The following CNBD1 variants were observed in gnomAD, a reference collection of about 807,000 sequenced individuals.
CNBD1 encodes cyclic nucleotide binding domain containing 1, also known as cyclic nucleotide-binding domain-containing protein 1.
In CNBD1, 71 loss-of-function variants were observed where a neutral mutation model predicts 54.4. The observed-to-expected ratio is 1.30, with a 90% CI of 1.08 to 1.59. CNBD1 has a LOEUF of 1.59. CNBD1 is among the 40% of genes most tolerant of loss of function. CNBD1 has a pLI of 0.00. For synonymous variants in CNBD1, 182 were observed against 170.7 expected (o/e 1.07, Z -0.51); for missense variants, 659 against 518.0 (o/e 1.27, Z -2.64).
intron 4 of CNBD1, among the ~76,000 whole-genome samples, chr8:86,988,143 G>GTTTTTTTTTTTTTTT (rs34699647): frequency 7.4e-6 from 1 of 134,354 alleles, no homozygotes. Context: ...TGGTTGATAG[G>GTTTTTTTTTTTTTTT]TTTTTTTTTT....
At chr8:87,007,263 T>C (rs1285661926) in intron 4 of CNBD1, among the ~76,000 whole-genome samples, 1 of 152,186 alleles carries the variant, frequency 6.6e-6, no homozygotes, top group African/African-American at 2.4e-5. Context: ...CCCATTTATT[T>C]TCACCTTTTC....
intron 9 of CNBD1, among the ~76,000 whole-genome samples, chr8:87,352,155 G>A (rs777861947): frequency 6.6e-6 from 1 of 152,102 alleles, no homozygotes; most frequent in African/African-American, 2.4e-5. Context: ...TTTCTCCAGA[G>A]AAGTGAAAAC....
intron 4 of CNBD1, among the ~76,000 whole-genome samples, chr8:87,006,657 G>A (rs1218128500): frequency 6.6e-6 from 1 of 152,056 alleles, no homozygotes; most frequent in Non-Finnish European, 1.5e-5. Flanking sequence ...GAACTCACCA[G>A]GTATCATGAA....
At chr8:87,101,049 A>G (rs745752509) in intron 4 of CNBD1, among the ~76,000 whole-genome samples, 10 of 152,212 alleles carry the variant, frequency 6.6e-5, no homozygotes, top group Non-Finnish European at 1.2e-4. Flanking sequence ...TTTGAATCTA[A>G]CTGCCTGCTA....
At chr8:87,069,955 C>T (rs1011935808) in intron 4 of CNBD1, among the ~76,000 whole-genome samples, 9 of 151,974 alleles carry the variant, frequency 5.9e-5, no homozygotes, top group African/African-American at 1.9e-4. Flanking sequence ...TAGGAGAATT[C>T]CCATGTGGTT....
intron 3 of CNBD1, among the ~76,000 whole-genome samples, chr8:86,924,315 T>C (rs545137661): frequency 6.6e-6 from 1 of 152,120 alleles, no homozygotes; most frequent in African/African-American, 2.4e-5. Context: ...TAATTGTAGG[T>C]AGAGAGCATT....
intron 8 of CNBD1, among the ~76,000 whole-genome samples, chr8:87,297,876 G>T (rs1195347280): frequency 2.6e-5 from 4 of 151,730 alleles, no homozygotes; most frequent in African/African-American, 4.8e-5. Flanking sequence ...GCCTCATGAA[G>T]TGATATTTAT....
At chr8:87,207,453 G>GACACAC (rs35603569) in intron 5 of CNBD1, among the ~76,000 whole-genome samples, 6 of 148,246 alleles carry the variant, frequency 4.0e-5, no homozygotes, top group African/African-American at 9.9e-5. Context: ...TATGCACATA[G>GACACAC]ACACACACAC....
intron 4 of CNBD1, among the ~76,000 whole-genome samples, chr8:87,184,150 T>G (rs1300537120): frequency 6.6e-6 from 1 of 152,152 alleles, no homozygotes; most frequent in Non-Finnish European, 1.5e-5. Flanking sequence ...AGTGGGAGAA[T>G]GCTGCAGGCA....
In CNBD1 at chr8:86,967,617, A is replaced by G. The variant is rs1030577061; in HGVS notation, c.431+27863A>G. Among the ~76,000 whole-genome samples the G allele has an allele frequency of 1.3e-3, 199 of 152,168 alleles. 4 individuals are homozygous for G. Among genetic ancestry groups the G allele is most frequent in the Admixed American group, 0.013 (196 of 15,278 alleles). On this transcript the variant is annotated intron_variant, in intron 4 of 10. Transcript: ENST00000518476. ...AAGCATTCTTTCTTTTACAGTGTTTATTTCTAACATTTTTTAAATTCTTTC... is the reference window on the plus strand; with the variant it reads ...AAGCATTCTTTCTTTTACAGTGTTTGTTTCTAACATTTTTTAAATTCTTTC...
At chr8:87,025,654 A>G (rs994827939) in intron 4 of CNBD1, among the ~76,000 whole-genome samples, 2 of 152,150 alleles carry the variant, frequency 1.3e-5, no homozygotes, top group Non-Finnish European at 2.9e-5. Context: ...TGAAGTCAGC[A>G]AGACAACGAA....
intron 5 of CNBD1, among the ~76,000 whole-genome samples, chr8:87,226,207 A>T (rs1005467876): frequency 3.3e-5 from 5 of 151,770 alleles, no homozygotes; most frequent in African/African-American, 1.2e-4. Flanking sequence ...GGATTCATTA[A>T]TTTTTTGAAG....
chr8:87,207,252 A>G lies in CNBD1; in HGVS notation c.577+1114A>G, dbSNP rs189850111. 2.7e-4 allele frequency among the ~76,000 whole-genome samples: 41 copies of G among 152,316 alleles called. No homozygotes were observed. The East Asian group carries it at 7.7e-3, about 29-fold the overall frequency. ...GAAAACATATTTGTAACAGTAAAAA[A>G]TATGGGAACAATCTAAATGTCCTTG... On this transcript the variant is annotated intron_variant, in intron 5 of 10. Transcript: ENST00000518476.
At chr8:87,284,546 C>T in intron 6 of CNBD1, 132 bp from the exon 7 acceptor site, 3 of 616,508 alleles carry the variant, frequency 4.9e-6, no homozygotes, top group Non-Finnish European at 7.8e-6. Flanking sequence ...GTAGTAGGAG[C>T]CATCCATGCA....
intron 8 of CNBD1, among the ~76,000 whole-genome samples, chr8:87,310,394 A>C (rs1207316296): frequency 6.6e-6 from 1 of 152,094 alleles, no homozygotes; most frequent in African/African-American, 2.4e-5. Flanking sequence ...ACACAAAAAA[A>C]TAAATACGTA....
Position 87,193,825 on chromosome 8 carries a change from A to C in CNBD1, c.432-12168A>C, listed in dbSNP as rs1813659226. The stretch of plus-strand genomic sequence containing the variant: ...AACAAATAAATAAATAAATAAAGAG[A>C]ATGTTCAGCTCCTTTGCTAAGCTAT... On this transcript the variant is annotated intron_variant, in intron 4 of 10. Transcript: ENST00000518476. Among the ~76,000 whole-genome samples the C allele has an allele frequency of 4.6e-5, 7 of 152,356 alleles. No homozygotes were observed. In the South Asian group the frequency reaches 1.4e-3, roughly 32 times the overall value.
At chr8:87,043,265 C>T (rs916720620) in intron 4 of CNBD1, among the ~76,000 whole-genome samples, 1 of 152,090 alleles carries the variant, frequency 6.6e-6, no homozygotes, top group African/African-American at 2.4e-5. Flanking sequence ...AATCTAGGAC[C>T]CTCCCTGACC....
intron 2 of CNBD1, among the ~76,000 whole-genome samples, chr8:87,416,412 A>G (rs1227634397): frequency 6.6e-6 from 1 of 152,168 alleles, no homozygotes; most frequent in Non-Finnish European, 1.5e-5. Flanking sequence ...AATGTGAGTG[A>G]GACCAATGAA....
At chr8:87,426,734 G>A (rs1187803105) in intron 2 of CNBD1, among the ~76,000 whole-genome samples, 1 of 152,152 alleles carries the variant, frequency 6.6e-6, no homozygotes, top group Non-Finnish European at 1.5e-5. Flanking sequence ...ATTCTGTGAG[G>A]TGGCACCTAG....
Sources: allele counts gnomAD v4.1 joint callset (sites outside exome capture counted in the v4.1 genomes callset), GRCh38; gene constraint gnomAD v4.1.1; transcripts MANE v1.5; gene names NCBI Gene and HGNC (gene_info 2026-07-23, HGNC 2026-07-21).